PDE11A: variants seen among roughly 807,000 people sequenced by gnomAD.
PDE11A encodes the protein phosphodiesterase 11A.
PDE11A carries 100 observed loss-of-function variants against 100.5 expected under a neutral mutation model. That is an observed-to-expected ratio of 1.00 (90% CI 0.85 to 1.18). PDE11A has a LOEUF of 1.18. Ranked by LOEUF, PDE11A falls within the 50% of genes most tolerant of loss-of-function variation. PDE11A has a pLI of 0.00. For synonymous variants in PDE11A, 381 were observed against 420.8 expected (o/e 0.91, Z 1.16); for missense variants, 1,141 against 1,152.6 (o/e 0.99, Z 0.15).
At chr2:177,818,622 C>T (rs1469517890) in intron 7 of PDE11A, among the ~76,000 whole-genome samples, 1 of 152,090 alleles carries the variant, frequency 6.6e-6, no homozygotes, top group Admixed American at 6.5e-5. Context: ...GGAATTATTA[C>T]AAGCAATAAA....
intron 9 of PDE11A, among the ~76,000 whole-genome samples, chr2:177,807,077 C>G (rs2082883424): frequency 1.3e-5 from 2 of 151,854 alleles, no homozygotes; most frequent in African/African-American, 4.8e-5. Flanking sequence ...CGGCGAACAC[C>G]AAGCATAAGA....
intron 9 of PDE11A, among the ~76,000 whole-genome samples, chr2:177,798,865 G>C (rs1007479179): frequency 3.9e-5 from 6 of 152,186 alleles, no homozygotes; most frequent in Non-Finnish European, 8.8e-5. Context: ...TTAGGTGTGA[G>C]CTGTGCATAG....
intron 5 of PDE11A, among the ~76,000 whole-genome samples, chr2:177,845,624 G>A (rs1299704140): frequency 1.2e-4 from 18 of 152,136 alleles, no homozygotes; most frequent in Non-Finnish European, 2.6e-4. Context: ...CTTCCCAGAC[G>A]GGGTGGCGGC....
At chr2:178,069,776 A>C (rs35068650) in intron 1 of PDE11A, among the ~76,000 whole-genome samples, 15,220 of 152,226 alleles carry the variant, frequency 0.1, 1,047 homozygotes, top group Non-Finnish European at 0.15. Flanking sequence ...ACTGTTGAAG[A>C]GGCTAAGAAT....
At position 178,072,397 on chromosome 2, in the gene PDE11A, A is replaced by G. The variant is rs201362232; in HGVS notation, c.41T>C (p.Phe14Ser). The change falls in exon 1 of 20, where the codon TTC becomes TCC. Residue 14 changes from phenylalanine (F) to serine (S), a missense_variant. Physicochemically the swap from Phe to Ser is radical, Grantham distance 155. Coordinates refer to ENST00000286063, the MANE Select transcript of PDE11A (RefSeq NM_016953.4). ...AAACAACTCTGGGTGCCTGTCCAGG[A>G]AAGTTTCCACCTCCCCAAAGTCCAG... ...SRLDFGEVET[F>S]LDRHPELFED... 5 of 1,613,606 alleles carry G rather than the reference A, an allele frequency of 3.1e-6. No homozygotes were observed. The East Asian group carries it at 8.9e-5, about 29-fold the overall frequency.
At chr2:177,879,933 AC>A (rs1167535645) in intron 4 of PDE11A, among the ~76,000 whole-genome samples, 2 of 152,188 alleles carry the variant, frequency 1.3e-5, no homozygotes, top group Non-Finnish European at 2.9e-5. Context: ...AAAAATAGGG[AC>A]AAAACTTTTA....
chr2:177,648,470 G>A (rs759790382), intron 19 of PDE11A, among the ~76,000 whole-genome samples: 1 of 152,010 alleles, frequency 6.6e-6, no homozygotes, highest in African/African-American at 2.4e-5. Flanking sequence ...TTTAAATGTT[G>A]GAAAGTTTCA....
chr2:178,082,945 A>G (rs77876732), intron 2 of PDE11A, among the ~76,000 whole-genome samples: 14,296 of 152,186 alleles, frequency 0.094, 721 homozygotes, highest in Middle Eastern at 0.13. Flanking sequence ...ATGGCTGAGA[A>G]CTTAGTTTTC....
chr2:178,084,744 A>C (rs2087327864), intron 2 of PDE11A, among the ~76,000 whole-genome samples: 1 of 149,164 alleles, frequency 6.7e-6, no homozygotes, highest in Admixed American at 6.7e-5. Flanking sequence ...TGTTTATGGT[A>C]GACAGCTTTT....
intron 15 of PDE11A, among the ~76,000 whole-genome samples, chr2:177,682,394 G>C (rs537165906): frequency 1.5e-4 from 23 of 152,158 alleles, no homozygotes; most frequent in Non-Finnish European, 2.6e-4. Flanking sequence ...TATGTCACAG[G>C]CATGTCCTTA....
At chr2:177,678,879 A>G (rs2080818458) in intron 16 of PDE11A, among the ~76,000 whole-genome samples, 1 of 152,110 alleles carries the variant, frequency 6.6e-6, no homozygotes, top group Non-Finnish European at 1.5e-5. Context: ...AAGGGCTGGG[A>G]GTCATTTGAG....
chr2:177,650,274 C>G (rs1404229923), intron 19 of PDE11A, among the ~76,000 whole-genome samples: 1 of 152,198 alleles, frequency 6.6e-6, no homozygotes, highest in African/African-American at 2.4e-5. Context: ...AATTTGCCCT[C>G]AGCTGGGAAT....
At chr2:177,661,659 A>C (rs541987689) in intron 19 of PDE11A, among the ~76,000 whole-genome samples, 1 of 152,330 alleles carries the variant, frequency 6.6e-6, no homozygotes, top group South Asian at 2.1e-4. Flanking sequence ...AAACTTACAA[A>C]TGAAATAATG....
chr2:178,105,139 T>C (rs548274862), intron 1 of PDE11A, among the ~76,000 whole-genome samples: 7 of 152,292 alleles, frequency 4.6e-5, no homozygotes, highest in African/African-American at 1.7e-4. Flanking sequence ...AATACTAATG[T>C]AGTGGAAAAT....
intron 9 of PDE11A, among the ~76,000 whole-genome samples, chr2:177,770,898 C>T (rs1258008822): frequency 2.0e-5 from 3 of 152,172 alleles, no homozygotes; most frequent in Non-Finnish European, 4.4e-5. Flanking sequence ...GTGATCATAG[C>T]TCACTGAAGC....
At chr2:177,999,342 TATTCTG>T (rs993442648) in intron 2 of PDE11A, among the ~76,000 whole-genome samples, 3 of 152,240 alleles carry the variant, frequency 2.0e-5, no homozygotes, top group African/African-American at 4.8e-5. Flanking sequence ...ACTGAAGACT[TATTCTG>T]ATGCCTCACT....
intron 6 of PDE11A, among the ~76,000 whole-genome samples, chr2:177,838,033 AC>A (rs2083432814): frequency 6.6e-6 from 1 of 151,960 alleles, no homozygotes; most frequent in Non-Finnish European, 1.5e-5. Context: ...TTGTCTTGCC[AC>A]TCTTAAGGCA....
intron 19 of PDE11A, among the ~76,000 whole-genome samples, chr2:177,642,308 T>G (rs74573086): frequency 0.041 from 6,233 of 152,140 alleles, 126 homozygotes; most frequent in East Asian, 0.076. Flanking sequence ...TGGAAAAGAG[T>G]GAACAGGGTT....
At chr2:177,631,550 C>T (rs1206779255) in intron 19 of PDE11A, among the ~76,000 whole-genome samples, 4 of 8,300 alleles carry the variant, frequency 4.8e-4, no homozygotes, top group African/African-American at 7.7e-4. Flanking sequence ...TATATATACA[C>T]ATGTATATAT....
Sources: gnomAD v4.1 joint callset for allele counts (sites outside exome capture counted in the v4.1 genomes callset) on GRCh38, gnomAD v4.1.1 for gene constraint, MANE v1.5 for transcripts, NCBI Gene and HGNC (gene_info 2026-07-23, HGNC 2026-07-21) for gene names.